NKD1: variants seen among roughly 807,000 people sequenced by gnomAD.
NKD1 encodes protein naked cuticle homolog 1.
In NKD1, 21 loss-of-function variants were observed where a neutral mutation model predicts 56.0. The ratio of observed to expected loss-of-function variants is 0.38; its 90% confidence interval spans 0.27 to 0.54. The LOEUF (loss-of-function observed/expected upper bound fraction) is 0.54, where lower values mean the gene tolerates loss of function less well. Among genes scored for constraint, NKD1 ranks in the 20% least tolerant of loss-of-function variants. The probability of loss-of-function intolerance (pLI) is 0.82; values close to 1 mark genes in which losing one functional copy is unlikely to be tolerated. For synonymous variants in NKD1, 263 were observed against 265.7 expected (o/e 0.99, Z 0.10); for missense variants, 578 against 642.7 (o/e 0.90, Z 1.09).
intron 2 of NKD1, chr16:50,548,973 TCCC>T: frequency 1.3e-6 from 1 of 768,022 alleles, no homozygotes; most frequent in Non-Finnish European, 1.5e-6. Context: ...CCTCAACCCC[TCCC>T]CCTCCCGCGT....
At chr16:50,597,717 C>T (rs745544744) in intron 3 of NKD1, among the ~76,000 whole-genome samples, 15 of 152,298 alleles carry the variant, frequency 9.8e-5, no homozygotes, top group Non-Finnish European at 1.9e-4. Flanking sequence ...CTCACCTTCT[C>T]GGCTTTTCCA....
At chr16:50,565,392 A>G (rs538638452) in intron 3 of NKD1, among the ~76,000 whole-genome samples, 38 of 151,276 alleles carry the variant, frequency 2.5e-4, no homozygotes, top group African/African-American at 8.8e-4. Context: ...AAAAGGTGAT[A>G]TAGAAGCCAG....
In NKD1 at chr16:50,608,325, T is replaced by C; in HGVS notation, c.224T>C (p.Leu75Pro). 2 of 1,613,654 alleles carry C rather than the reference T, an allele frequency of 1.2e-6. No homozygotes were observed. The highest frequency in any genetic ancestry group is 2.2e-5 in the South Asian group (2 of 91,078). ...ELVGDVLRDT[L>P]SEEEEDDFRL... ...GTGGGCGACGTGTTGAGAGACACGC[T>C]CAGCGAGGAAGAGGAGGACGACTTT... The change falls in exon 4 of 10, where the codon CTC becomes CCC. Residue 75 changes from leucine to proline, a missense_variant. Physicochemically the swap from Leu to Pro is moderately conservative, Grantham distance 98. Transcript: ENST00000268459.
At chr16:50,591,326 G>A (rs1339418066) in intron 3 of NKD1, among the ~76,000 whole-genome samples, 3 of 152,228 alleles carry the variant, frequency 2.0e-5, no homozygotes, top group Non-Finnish European at 2.9e-5. Context: ...GGAGGGTTGG[G>A]TGCTGGGTTG....
chr16:50,565,506 C>A lies in NKD1; in HGVS notation c.192+15951C>A, dbSNP rs556696691. 2.6e-5 allele frequency among the ~76,000 whole-genome samples: 4 copies of A among 152,142 alleles called. No homozygotes were observed. In the East Asian group the frequency reaches 7.7e-4, roughly 29 times the overall value. On this transcript the variant is annotated intron_variant, in intron 3 of 9. Coordinates refer to ENST00000268459, the MANE Select transcript of NKD1 (RefSeq NM_033119.5). The stretch of plus-strand genomic sequence containing the variant: ...CCAGCCTGGGCAATGTAGCAGGACC[C>A]CATCTCTTAAAATAACAACAGTAAC...
chr16:50,595,526 A>AG (rs919505437), intron 3 of NKD1, among the ~76,000 whole-genome samples: 13 of 152,112 alleles, frequency 8.5e-5, no homozygotes, highest in African/African-American at 3.1e-4. Flanking sequence ...AGGAACACCC[A>AG]GGGGCATGTC....
intron 4 of NKD1, among the ~76,000 whole-genome samples, chr16:50,614,220 G>A (rs1961912876): frequency 6.6e-6 from 1 of 152,160 alleles, no homozygotes; most frequent in African/African-American, 2.4e-5. Flanking sequence ...CAGAGAGACG[G>A]ATTTGTTAAG....
chr16:50,611,306 G>A (rs965308858), intron 4 of NKD1, among the ~76,000 whole-genome samples: 1 of 151,742 alleles, frequency 6.6e-6, no homozygotes, highest in East Asian at 1.9e-4. Flanking sequence ...TTGTCTCTCC[G>A]CATCCTCAAG....
rs573506223 is a variant in NKD1, at chr16:50,577,655, C to A, written c.192+28100C>A. ...GAAACTTTGTACCCCTTGGCCATCACCCCTTTCCATTTCCTCCTTTCCCTA... is the reference window on the plus strand; with the variant it reads ...GAAACTTTGTACCCCTTGGCCATCAACCCTTTCCATTTCCTCCTTTCCCTA... On this transcript the variant is annotated intron_variant, in intron 3 of 9. Coordinates refer to ENST00000268459, the MANE Select transcript of NKD1 (RefSeq NM_033119.5). Among the ~76,000 whole-genome samples, 20 of 152,344 alleles carry A rather than the reference C, an allele frequency of 1.3e-4. 1 individual carries two copies. The South Asian group carries it at 3.9e-3, about 30-fold the overall frequency.
rs562385058 is a variant in NKD1 at position 50,639,734 on chromosome 16, G to A, written c.*5953G>A. ...CCCTCATCCTAAAATTACAGATGGC[G>A]AAAGATGGCCACATTTAGTGAGACC... On this transcript the variant is annotated 3_prime_UTR_variant, in exon 10 of 10. Transcript: ENST00000268459. The A allele has an allele frequency of 3.3e-5, 5 of 152,348 alleles. No individual in the cohort carries two copies. Among genetic ancestry groups the A allele is most frequent in the Admixed American group, 2.6e-4 (4 of 15,294 alleles). 9.4% of individuals were successfully genotyped at this position (152,348 alleles called of 1,614,324 possible).
chr16:50,631,930 C>G (rs1173747906), intron 8 of NKD1, among the ~76,000 whole-genome samples: 1 of 152,262 alleles, frequency 6.6e-6, no homozygotes, highest in Non-Finnish European at 1.5e-5. Context: ...GGCCGCCTAC[C>G]TGCAGTGGGC....
chr16:50,619,908 G>T (rs543880054), intron 4 of NKD1, among the ~76,000 whole-genome samples: 70 of 152,316 alleles, frequency 4.6e-4, no homozygotes, highest in African/African-American at 1.6e-3. Context: ...CAAGTCTCCC[G>T]AATTGAGCCA....
intron 3 of NKD1, chr16:50,570,716 T>C: frequency 1.9e-6 from 1 of 521,638 alleles, no homozygotes; most frequent in Non-Finnish European, 2.5e-6. Flanking sequence ...TCACGTGCTA[T>C]GTGACAAGCT....
chr16:50,618,805 G>C (rs1016000863), intron 4 of NKD1, among the ~76,000 whole-genome samples: 1 of 152,188 alleles, frequency 6.6e-6, no homozygotes, highest in African/African-American at 2.4e-5. Context: ...TGGGATGAGG[G>C]AGCCACTGGT....
At chr16:50,569,152 T>G (rs772922222) in intron 3 of NKD1, among the ~76,000 whole-genome samples, 4 of 152,234 alleles carry the variant, frequency 2.6e-5, no homozygotes, top group Non-Finnish European at 5.9e-5. Flanking sequence ...GAAGTCAGAT[T>G]CCGCTGACAT....
intron 3 of NKD1, among the ~76,000 whole-genome samples, chr16:50,593,163 G>A (rs1008208468): frequency 6.6e-6 from 1 of 152,140 alleles, no homozygotes; most frequent in African/African-American, 2.4e-5. Context: ...AATTAAACAT[G>A]TTCTCTGAGC....
intron 3 of NKD1, among the ~76,000 whole-genome samples, chr16:50,584,489 G>A (rs557693591): frequency 6.6e-6 from 1 of 152,320 alleles, no homozygotes; most frequent in South Asian, 2.1e-4. Flanking sequence ...AATTGGGCAA[G>A]GTCCTACCTT....
rs116627207 is a variant in NKD1 at position 50,584,697 on chromosome 16, A to T, written c.193-23597A>T. ...ATTATTAAAATACCAGCCAGCTTAT[A>T]AGCAACCCAAGGCCATAGGCACATG... On this transcript the variant is annotated intron_variant, in intron 3 of 9. Transcript: ENST00000268459. Among the ~76,000 whole-genome samples, 609 of 152,316 alleles carry T rather than the reference A, an allele frequency of 4.0e-3. 3 individuals carry two copies. The highest frequency in any genetic ancestry group is 0.014 in the African/African-American group (590 of 41,560).
At chr16:50,572,030 G>A (rs1296050951) in intron 3 of NKD1, among the ~76,000 whole-genome samples, 1 of 152,136 alleles carries the variant, frequency 6.6e-6, no homozygotes, top group African/African-American at 2.4e-5. Context: ...CTCTATTCCT[G>A]CAGCTGGAGA....
Sources: gnomAD v4.1 joint callset for allele counts (sites outside exome capture counted in the v4.1 genomes callset) on GRCh38, gnomAD v4.1.1 for gene constraint, MANE v1.5 for transcripts, NCBI Gene and HGNC (gene_info 2026-07-23, HGNC 2026-07-21) for gene names.